Variants in NLRP7 observed in about 807,000 individuals in gnomAD.
The protein encoded by NLRP7 is NLR family pyrin domain containing 7, also known as NACHT, LRR and PYD domains-containing protein 7.
A neutral mutation model predicts 85.5 loss-of-function variants in NLRP7; 72 were observed. The ratio of observed to expected loss-of-function variants is 0.84; its 90% CI spans 0.70 to 1.02. NLRP7 has a LOEUF of 1.02. Ranked by LOEUF, NLRP7 falls within the 50% of genes least tolerant of loss-of-function variation. The pLI, the probability that NLRP7 is intolerant of heterozygous loss-of-function variation, is 0.00. For missense variants in NLRP7, 1,243 were observed against 1,219.5 expected, an observed-to-expected ratio of 1.02 and a Z score of -0.29; for synonymous variants, 550 against 505.2, an observed-to-expected ratio of 1.09 and a Z score of -1.19.
At chr19:54,943,613 G>T (rs191121770) in intron 1 of NLRP7, among the ~76,000 whole-genome samples, 5 of 143,642 alleles carry the variant, frequency 3.5e-5, no homozygotes, top group Non-Finnish European at 7.4e-5. Flanking sequence ...TTGGGGGGGC[G>T]GGGGGAAGAG....
chr19:54,925,941 A>AG lies in NLRP7; in HGVS notation c.2811-2070dup, dbSNP rs565896063. ...CGTGAACCCGGGAGGTGGAGCTTGCAGTGAGCCGAGATCGCACCGCTTCAC... is the reference window on the plus strand; with the variant it reads ...CGTGAACCCGGGAGGTGGAGCTTGCAGGTGAGCCGAGATCGCACCGCTTCAC... On this transcript the variant is annotated intron_variant, in intron 9 of 9. Transcript: ENST00000340844. Among the ~76,000 whole-genome samples, 182 of 151,770 alleles carry AG rather than the reference A, an allele frequency of 1.2e-3. 1 individual carries two copies. The highest frequency in any genetic ancestry group is 4.2e-3 in the African/African-American group (173 of 41,410).
chr19:54,933,396 C>T (rs1380330803), intron 8 of NLRP7, among the ~76,000 whole-genome samples, 173 bp downstream of exon 8: 1 of 152,182 alleles, frequency 6.6e-6, no homozygotes, highest in African/African-American at 2.4e-5. Context: ...CCACCCGCCT[C>T]GGCCTCCCAA....
chr19:54,924,668 A>G (rs1051369820), intron 9 of NLRP7, among the ~76,000 whole-genome samples: 1 of 149,880 alleles, frequency 6.7e-6, no homozygotes, highest in Non-Finnish European at 1.5e-5. Context: ...GTGCACGGTG[A>G]CTCACGCCTA....
At chr19:54,955,049 C>T (rs1254902658) in intron 1 of NLRP7, among the ~76,000 whole-genome samples, 1 of 151,984 alleles carries the variant, frequency 6.6e-6, no homozygotes, top group Admixed American at 6.6e-5. Flanking sequence ...CATTGGTGGC[C>T]GGGCGCGGTG....
chr19:54,963,839 AAAAC>A lies in NLRP7; in HGVS notation c.-77+2197_-77+2200del, dbSNP rs543609704. Among the ~76,000 whole-genome samples the A allele has an allele frequency of 2.0e-3, 304 of 150,128 alleles. 1 individual carries two copies. Among genetic ancestry groups the A allele is most frequent in the African/African-American group, 7.2e-3 (295 of 41,228 alleles). Reference sequence around the variant, plus strand: ...ACTCAGTCTCAGAAAAAAAAAAAGCAAAACAAACAAAGAAACATGAAAAAAAGCT... The same window carrying A: ...ACTCAGTCTCAGAAAAAAAAAAAGCAAAACAAAGAAACATGAAAAAAAGCT... On this transcript the variant is annotated intron_variant, in intron 1 of 2. Coordinates refer to the NLRP7 transcript ENST00000587103.
chr19:54,937,376 T>C (rs1182570818), intron 5 of NLRP7, among the ~76,000 whole-genome samples: 2 of 151,410 alleles, frequency 1.3e-5, no homozygotes, highest in African/African-American at 4.9e-5. Flanking sequence ...TGGTTTGTTT[T>C]GGTAACAAAA....
Position 54,938,418 on chromosome 19 carries a change from C to CA in NLRP7, c.1932-178dup, listed in dbSNP as rs104895520. ...CTACCAGTATAGATCTTAAGTTTTACAAAAAAAATAAAATAATAGATAAGG... is the reference window on the plus strand; with the variant it reads ...CTACCAGTATAGATCTTAAGTTTTACAAAAAAAAATAAAATAATAGATAAGG... On this transcript the variant is annotated intron_variant, in intron 4 of 9. Coordinates refer to ENST00000340844, the Ensembl canonical transcript of NLRP7. Among the ~76,000 whole-genome samples, 552 of 151,804 alleles carry CA rather than the reference C, an allele frequency of 3.6e-3. 1 individual carries two copies. The highest frequency in any genetic ancestry group is 0.013 in the African/African-American group (528 of 41,390).
chr19:54,964,459 A>G (rs980898296), intron 1 of NLRP7, among the ~76,000 whole-genome samples: 6 of 150,852 alleles, frequency 4.0e-5, no homozygotes, highest in East Asian at 2.0e-4. Context: ...CTCGTGATCC[A>G]CCTGCCTCGG....
intron 1 of NLRP7, among the ~76,000 whole-genome samples, chr19:54,953,787 G>A (rs896770562): frequency 4.6e-5 from 7 of 151,578 alleles, no homozygotes; most frequent in African/African-American, 9.7e-5. Flanking sequence ...TGGATCACAC[G>A]GTCAGGAGAT....
At chr19:54,951,575 A>G (rs2069670659), upstream of NLRP7, among the ~76,000 whole-genome samples, 1 of 151,964 alleles carries the variant, frequency 6.6e-6, no homozygotes, top group Non-Finnish European at 1.5e-5. Flanking sequence ...CAAAAACAAA[A>G]ACAAAACAAA....
chr19:54,941,564 C>A, exon 2 of NLRP7: 1 of 1,614,006 alleles, frequency 6.2e-7, no homozygotes, highest in Non-Finnish European at 8.5e-7. Flanking sequence ...TTCTTGCCAT[C>A]AGCCTCTTCC....
intron 1 of NLRP7, among the ~76,000 whole-genome samples, chr19:54,955,704 G>C (rs928971961): frequency 6.6e-6 from 1 of 151,040 alleles, no homozygotes; most frequent in Admixed American, 6.6e-5. Flanking sequence ...GGAGAATGAC[G>C]TGAATCCCGG....
intron 1 of NLRP7, among the ~76,000 whole-genome samples, chr19:54,952,817 C>G (rs1414642480): frequency 2.6e-5 from 4 of 151,990 alleles, no homozygotes; most frequent in African/African-American, 9.7e-5. Flanking sequence ...AAGGCTGAGA[C>G]CTACCGGGCT....
intron 1 of NLRP7, among the ~76,000 whole-genome samples, chr19:54,961,980 A>G (rs2070057470): frequency 6.6e-6 from 1 of 150,946 alleles, no homozygotes; most frequent in Admixed American, 6.6e-5. Context: ...CCAAAAGGGT[A>G]TGGTGAAACC....
rs148983807 is a variant in NLRP7 at position 54,924,906 on chromosome 19, C to T, written c.2811-1034G>A. Among the ~76,000 whole-genome samples the T allele has an allele frequency of 9.2e-3, 1,402 of 152,270 alleles. 44 individuals carry two copies. Among genetic ancestry groups the T allele is most frequent in the Admixed American group, 0.028 (421 of 15,276 alleles). ...GAGCCAATACCGCACCACTGTACTGCAGCCCGGGTGACAGAGCGAGACTCT... is the reference window on the plus strand; with the variant it reads ...GAGCCAATACCGCACCACTGTACTGTAGCCCGGGTGACAGAGCGAGACTCT... On this transcript the variant is annotated intron_variant, in intron 9 of 9. Coordinates refer to ENST00000340844, the Ensembl canonical transcript of NLRP7.
At chr19:54,951,677 G>A (rs946218914), upstream of NLRP7, among the ~76,000 whole-genome samples, 1 of 152,018 alleles carries the variant, frequency 6.6e-6, no homozygotes, top group Non-Finnish European at 1.5e-5. Context: ...TGTGTATCAC[G>A]TGGCTCTAGA....
intron 1 of NLRP7, among the ~76,000 whole-genome samples, chr19:54,956,142 AGGAG>A (rs2069844133): frequency 7.3e-6 from 1 of 136,926 alleles, no homozygotes; most frequent in African/African-American, 3.6e-5. Context: ...AAAGGAAGGA[AGGAG>A]GGAAGGAGGG....
intron 1 of NLRP7, among the ~76,000 whole-genome samples, chr19:54,942,820 A>G (rs2069292427): frequency 6.6e-6 from 1 of 152,120 alleles, no homozygotes; most frequent in African/African-American, 2.4e-5. Context: ...TGAATGACAC[A>G]TTGAAAACAA....
At chr19:54,937,893 G>C (rs1288612778) in intron 5 of NLRP7, 151 bp downstream of exon 5, 3 of 658,516 alleles carry the variant, frequency 4.6e-6, no homozygotes, top group African/African-American at 5.4e-5. Flanking sequence ...GTAAATCTCC[G>C]TCTCACCAAA....
Sources: gnomAD v4.1 joint callset for allele counts (sites outside exome capture counted in the v4.1 genomes callset) on GRCh38, gnomAD v4.1.1 for gene constraint, MANE v1.5 for transcripts, NCBI Gene and HGNC (gene_info 2026-07-23, HGNC 2026-07-21) for gene names.